PCDH9: variants seen among roughly 807,000 people sequenced by gnomAD.
PCDH9 encodes the protein protocadherin-9.
In PCDH9, 24 loss-of-function variants were observed where a neutral mutation model predicts 70.6. The ratio of observed to expected loss-of-function variants is 0.34; its 90% CI spans 0.25 to 0.48. The LOEUF (loss-of-function observed/expected upper bound fraction) is 0.48. Among genes scored for constraint, PCDH9 ranks in the 20% least tolerant of loss-of-function variants. The pLI, the probability that PCDH9 is intolerant of heterozygous loss-of-function variation, is 0.99. For missense variants in PCDH9, 1,281 were observed against 1,503.6 expected, an observed-to-expected ratio of 0.85 and a Z score of 2.45; for synonymous variants, 562 against 558.5, an observed-to-expected ratio of 1.01 and a Z score of -0.09.
intron 2 of PCDH9, among the ~76,000 whole-genome samples, chr13:67,103,586 C>A (rs1166060230): frequency 6.6e-6 from 1 of 152,140 alleles, no homozygotes; most frequent in African/African-American, 2.4e-5. Context: ...GGCAGTAAAG[C>A]AAAGACTTTT....
At chr13:66,638,474 C>T (rs2077668846) in intron 3 of PCDH9, among the ~76,000 whole-genome samples, 2 of 151,980 alleles carry the variant, frequency 1.3e-5, no homozygotes, top group Admixed American at 1.3e-4. Flanking sequence ...AATTTGTGAA[C>T]ATAAAAAATA....
intron 4 of PCDH9, among the ~76,000 whole-genome samples, chr13:66,339,102 A>G (rs545568612): frequency 1.3e-5 from 2 of 152,186 alleles, no homozygotes; most frequent in South Asian, 4.1e-4. Flanking sequence ...CTGAAACTAT[A>G]TTAGACCAGA....
intron 4 of PCDH9, among the ~76,000 whole-genome samples, chr13:66,600,515 AT>A (rs1479001408): frequency 6.6e-6 from 1 of 151,862 alleles, no homozygotes; most frequent in Non-Finnish European, 1.5e-5. Flanking sequence ...TGTAATTATA[AT>A]TTTTTTCCCT....
Position 66,346,052 on chromosome 13 carries a change from A to C in PCDH9, c.3341-41024T>G, listed in dbSNP as rs267323. On this transcript the variant is annotated intron_variant, in intron 4 of 4. Coordinates refer to ENST00000377865, the MANE Select transcript of PCDH9 (RefSeq NM_203487.3). ...ATAGCTAATGGAAAAGAGATGTGACAGACCACAAAGACTAGGAATTGTCTG... is the reference window on the plus strand; with the variant it reads ...ATAGCTAATGGAAAAGAGATGTGACCGACCACAAAGACTAGGAATTGTCTG... 7.3e-3 allele frequency among the ~76,000 whole-genome samples: 1,114 copies of C among 152,288 alleles called. 12 individuals are homozygous for C. Among genetic ancestry groups the C allele is most frequent in the African/African-American group, 0.024 (1,000 of 41,542 alleles).
intron 4 of PCDH9, among the ~76,000 whole-genome samples, chr13:66,621,386 C>T (rs1207406409): frequency 6.6e-6 from 1 of 152,170 alleles, no homozygotes; most frequent in Non-Finnish European, 1.5e-5. Context: ...CAATCCCCAG[C>T]TGACAGGCAT....
At chr13:66,527,123 T>G (rs1337946922) in intron 4 of PCDH9, among the ~76,000 whole-genome samples, 2 of 144,060 alleles carry the variant, frequency 1.4e-5, no homozygotes, top group Non-Finnish European at 3.1e-5. Flanking sequence ...ATCAGTCTTA[T>G]TGTACATTCC....
intron 4 of PCDH9, among the ~76,000 whole-genome samples, chr13:66,609,940 A>G (rs2138867546): frequency 6.6e-6 from 1 of 150,840 alleles, no homozygotes; most frequent in Non-Finnish European, 1.5e-5. Context: ...AGTAAGGAGA[A>G]ATAGCATTTC....
At chr13:66,544,522 G>A (rs1376304344) in intron 4 of PCDH9, among the ~76,000 whole-genome samples, 1 of 152,140 alleles carries the variant, frequency 6.6e-6, no homozygotes, top group Non-Finnish European at 1.5e-5. Flanking sequence ...AGTGGTGTTA[G>A]GAATCTTTTA....
chr13:66,772,111 A>G (rs1378349229), intron 3 of PCDH9, among the ~76,000 whole-genome samples: 1 of 152,240 alleles, frequency 6.6e-6, no homozygotes, highest in Non-Finnish European at 1.5e-5. Context: ...TGGAAAAAAT[A>G]TTATATCAGC....
intron 4 of PCDH9, among the ~76,000 whole-genome samples, chr13:66,380,965 T>A (rs1956838171): frequency 1.3e-5 from 2 of 152,344 alleles, no homozygotes; most frequent in South Asian, 4.1e-4. Flanking sequence ...AATACGCGTG[T>A]CAACTTTCAG....
At chr13:66,720,280 G>A (rs2078924285) in intron 3 of PCDH9, among the ~76,000 whole-genome samples, 1 of 151,398 alleles carries the variant, frequency 6.6e-6, no homozygotes, top group South Asian at 2.1e-4. Flanking sequence ...TGAGTAGCTG[G>A]GTTTACAGGC....
chr13:66,577,223 C>T (rs1427180878), intron 4 of PCDH9, among the ~76,000 whole-genome samples: 1 of 151,670 alleles, frequency 6.6e-6, no homozygotes, highest in Admixed American at 6.6e-5. Flanking sequence ...ACCATGTATA[C>T]TATTTGCCAA....
intron 3 of PCDH9, among the ~76,000 whole-genome samples, chr13:66,646,632 G>C (rs2077774666): frequency 6.6e-6 from 1 of 152,146 alleles, no homozygotes; most frequent in Non-Finnish European, 1.5e-5. Context: ...ACTGAAAAGA[G>C]AGATGGAGCA....
chr13:66,533,151 A>G (rs1960540007), intron 4 of PCDH9, among the ~76,000 whole-genome samples: 1 of 152,174 alleles, frequency 6.6e-6, no homozygotes, highest in Admixed American at 6.6e-5. Context: ...CTGGGGCTTC[A>G]CTTGAAACGA....
chr13:66,968,119 G>A (rs962747639), intron 2 of PCDH9, among the ~76,000 whole-genome samples: 4 of 152,132 alleles, frequency 2.6e-5, no homozygotes, highest in African/African-American at 7.2e-5. Flanking sequence ...CTTATGTTTT[G>A]TCAGATAAAG....
At chr13:67,037,064 C>T (rs2085023863) in intron 2 of PCDH9, among the ~76,000 whole-genome samples, 1 of 152,148 alleles carries the variant, frequency 6.6e-6, no homozygotes, top group South Asian at 2.1e-4. Flanking sequence ...ACCCCACAGA[C>T]TTAGTTAAAA....
At chr13:66,636,822 T>G (rs1304811642) in intron 3 of PCDH9, among the ~76,000 whole-genome samples, 1 of 151,984 alleles carries the variant, frequency 6.6e-6, no homozygotes, top group Non-Finnish European at 1.5e-5. Context: ...TGAACTAAAA[T>G]ACAAAACCAT....
At chr13:66,841,689 C>A (rs954484118) in intron 3 of PCDH9, among the ~76,000 whole-genome samples, 2 of 152,012 alleles carry the variant, frequency 1.3e-5, no homozygotes, top group Non-Finnish European at 2.9e-5. Flanking sequence ...ATAACAATAT[C>A]AAATATAATA....
intron 4 of PCDH9, among the ~76,000 whole-genome samples, chr13:66,392,209 T>G (rs1957030071): frequency 6.6e-6 from 1 of 151,934 alleles, no homozygotes; most frequent in Non-Finnish European, 1.5e-5. Context: ...ATATGTATTT[T>G]TTTAAAGGTA....
Sources: gnomAD v4.1 joint callset for allele counts (sites outside exome capture counted in the v4.1 genomes callset) on GRCh38, gnomAD v4.1.1 for gene constraint, MANE v1.5 for transcripts, NCBI Gene and HGNC (gene_info 2026-07-23, HGNC 2026-07-21) for gene names.